LPAR1: variants seen among roughly 807,000 people sequenced by gnomAD.
The protein encoded by LPAR1 is LPA receptor 1.
LPAR1 carries 5 observed loss-of-function variants against 23.8 expected under a neutral mutation model. The ratio of observed to expected loss-of-function variants is 0.21; its 90% CI spans 0.11 to 0.44. LPAR1 has a LOEUF of 0.44. Ranked by LOEUF, LPAR1 falls within the 20% of genes least tolerant of loss-of-function variation. The pLI, the probability that LPAR1 is intolerant of heterozygous loss-of-function variation, is 0.99. For missense variants in LPAR1, 311 were observed against 482.8 expected, an observed-to-expected ratio of 0.64 and a Z score of 3.33; for synonymous variants, 160 against 164.7, an observed-to-expected ratio of 0.97 and a Z score of 0.22.
At chr9:110,970,654 C>G (rs1379638745) in intron 4 of LPAR1, among the ~76,000 whole-genome samples, 1 of 151,846 alleles carries the variant, frequency 6.6e-6, no homozygotes, top group Admixed American at 6.6e-5. Context: ...GAAAAATGCC[C>G]CTTGTTCTCC....
chr9:111,030,526 G>A (rs2097777114), intron 2 of LPAR1, among the ~76,000 whole-genome samples: 1 of 152,188 alleles, frequency 6.6e-6, no homozygotes, highest in South Asian at 2.1e-4. Flanking sequence ...TGCTCCAGAA[G>A]TGGTTGAAAG....
intron 5 of LPAR1, among the ~76,000 whole-genome samples, chr9:110,902,028 C>T (rs976251438): frequency 6.6e-6 from 1 of 152,012 alleles, no homozygotes; most frequent in Non-Finnish European, 1.5e-5. Flanking sequence ...CAAAAGGAAG[C>T]CAGAGAACTC....
intron 5 of LPAR1, among the ~76,000 whole-genome samples, chr9:110,915,646 C>T (rs919398277): frequency 1.3e-5 from 2 of 152,190 alleles, no homozygotes; most frequent in East Asian, 3.8e-4. Flanking sequence ...TATATACACA[C>T]ATACATATGT....
At chr9:110,901,778 G>A (rs1363466715) in intron 5 of LPAR1, among the ~76,000 whole-genome samples, 4 of 152,080 alleles carry the variant, frequency 2.6e-5, no homozygotes, top group Non-Finnish European at 4.4e-5. Flanking sequence ...CAGGTAGACT[G>A]CATTTCAGTT....
chr9:110,909,579 A>T (rs1011311224), intron 5 of LPAR1, among the ~76,000 whole-genome samples: 11 of 152,152 alleles, frequency 7.2e-5, no homozygotes, highest in African/African-American at 2.4e-4. Flanking sequence ...ACACAAGGAT[A>T]GTGGCACCTC....
chr9:110,983,804 G>GA (rs1179222368), intron 2 of LPAR1, among the ~76,000 whole-genome samples: 1 of 151,210 alleles, frequency 6.6e-6, no homozygotes, highest in East Asian at 1.9e-4. Flanking sequence ...ATCATAATGG[G>GA]AAAAAAATGG....
chr9:110,892,881 G>A (rs1314566205), intron 5 of LPAR1, among the ~76,000 whole-genome samples: 2 of 149,452 alleles, frequency 1.3e-5, no homozygotes, highest in Non-Finnish European at 3.0e-5. Flanking sequence ...AGGCAGGCAG[G>A]CTCAAAAACA....
At chr9:110,963,454 C>T (rs1339903330) in intron 4 of LPAR1, among the ~76,000 whole-genome samples, 3 of 152,172 alleles carry the variant, frequency 2.0e-5, no homozygotes, top group Admixed American at 6.5e-5. Context: ...GTTTATCCAA[C>T]GTGGCCTTCC....
chr9:110,908,263 CAT>C (rs2091730075), intron 5 of LPAR1, among the ~76,000 whole-genome samples: 1 of 149,890 alleles, frequency 6.7e-6, no homozygotes, highest in East Asian at 1.9e-4. Context: ...AATATTAAGA[CAT>C]TTGTTTAAAT....
chr9:110,878,007 C>T (rs1054702700), intron 5 of LPAR1, among the ~76,000 whole-genome samples: 1 of 152,124 alleles, frequency 6.6e-6, no homozygotes, highest in African/African-American at 2.4e-5. Flanking sequence ...ATGCAAGGAA[C>T]CCTGCTAGAC....
At chr9:111,024,086 T>TAA (rs1352512277) in intron 2 of LPAR1, among the ~76,000 whole-genome samples, 1 of 152,092 alleles carries the variant, frequency 6.6e-6, no homozygotes, top group Admixed American at 6.5e-5. Context: ...AAAAAATGGG[T>TAA]AAGAAGCATG....
intron 4 of LPAR1, among the ~76,000 whole-genome samples, chr9:110,943,865 CAAAA>C (rs11361205): frequency 5.5e-5 from 6 of 109,812 alleles, no homozygotes; most frequent in Admixed American, 1.9e-4. Flanking sequence ...AACTCCATCT[CAAAA>C]AAAAAAAAAA....
intron 5 of LPAR1, among the ~76,000 whole-genome samples, chr9:110,926,373 T>C (rs541055576): frequency 2.0e-5 from 3 of 152,336 alleles, no homozygotes; most frequent in Admixed American, 6.5e-5. Flanking sequence ...ACACATACAA[T>C]TGTATTAGGT....
At chr9:110,999,965 A>G (rs1405853990) in intron 2 of LPAR1, among the ~76,000 whole-genome samples, 2 of 152,120 alleles carry the variant, frequency 1.3e-5, no homozygotes, top group East Asian at 1.9e-4. Context: ...CTTCTGCCTC[A>G]GCCTCCCAGA....
rs146020609 is a variant in LPAR1, at chr9:110,973,075, A to G, written c.-104+406T>C. Among the ~76,000 whole-genome samples, 13 of 152,368 alleles carry G rather than the reference A, an allele frequency of 8.5e-5. 1 individual carries two copies. In the East Asian group the frequency reaches 2.5e-3, roughly 29 times the overall value. On this transcript the variant is annotated intron_variant, in intron 3 of 5. Transcript: ENST00000683809. Reference sequence around the variant, plus strand: ...TGTGGAATCGCAGGACAAAGGGACAAATCACATGGACAGTATGAGATTTCA... The same window carrying G: ...TGTGGAATCGCAGGACAAAGGGACAGATCACATGGACAGTATGAGATTTCA...
intron 2 of LPAR1, among the ~76,000 whole-genome samples, chr9:111,012,734 A>T (rs2097357520): frequency 6.6e-6 from 1 of 152,128 alleles, no homozygotes; most frequent in Admixed American, 6.6e-5. Flanking sequence ...CTTCATTCAC[A>T]CTTGATCCTT....
At chr9:110,901,229 G>T (rs114922548) in intron 5 of LPAR1, among the ~76,000 whole-genome samples, 1 of 152,294 alleles carries the variant, frequency 6.6e-6, no homozygotes, top group Non-Finnish European at 1.5e-5. Context: ...GAAGAAGGCA[G>T]AAGGAGAAGT....
At chr9:110,996,965 C>G (rs775886592) in intron 2 of LPAR1, among the ~76,000 whole-genome samples, 10 of 152,222 alleles carry the variant, frequency 6.6e-5, no homozygotes, top group Non-Finnish European at 1.5e-4. Context: ...TAGCACCACA[C>G]TGATTTCTTT....
chr9:110,948,747 G>A (rs751689097), intron 4 of LPAR1, among the ~76,000 whole-genome samples: 2 of 152,198 alleles, frequency 1.3e-5, no homozygotes, highest in Middle Eastern at 3.4e-3. Context: ...AAGGTGAAAG[G>A]CTGTCCAGGC....
Sources: gnomAD v4.1 joint callset for allele counts (sites outside exome capture counted in the v4.1 genomes callset) on GRCh38, gnomAD v4.1.1 for gene constraint, MANE v1.5 for transcripts, NCBI Gene and HGNC (gene_info 2026-07-23, HGNC 2026-07-21) for gene names.